Variants in PHYH observed in about 807,000 individuals in gnomAD.
The protein encoded by PHYH is phytanoyl-CoA 2-hydroxylase, also known as phytanoyl-CoA dioxygenase, peroxisomal.
PHYH carries 32 observed loss-of-function variants against 38.5 expected under a neutral mutation model. The ratio of observed to expected loss-of-function variants is 0.83; its 90% CI spans 0.63 to 1.12. The LOEUF (loss-of-function observed/expected upper bound fraction) is 1.12. Ranked by LOEUF, PHYH falls within the 50% of genes most tolerant of loss-of-function variation. PHYH has a pLI of 0.00. For synonymous variants in PHYH, 166 were observed against 157.9 expected (o/e 1.05, Z -0.38); for missense variants, 426 against 434.8 (o/e 0.98, Z 0.18).
chr10:13,297,977 T>C (rs550094504), intron 2 of PHYH, among the ~76,000 whole-genome samples: 1 of 152,114 alleles, frequency 6.6e-6, no homozygotes, highest in South Asian at 2.1e-4. Context: ...TCTGGTATTT[T>C]TCCTTCTTTC....
At chr10:13,294,631 G>T (rs774393878) in intron 3 of PHYH, 35 bp from the exon 4 acceptor site, 38 of 1,598,862 alleles carry the variant, frequency 2.4e-5, no homozygotes, top group Non-Finnish European at 2.7e-5. Flanking sequence ...TGTCGTTACC[G>T]CTGGCTCCAA....
intron 7 of PHYH, among the ~76,000 whole-genome samples, chr10:13,281,555 A>G (rs1402837864): frequency 6.6e-6 from 1 of 152,210 alleles, no homozygotes; most frequent in Admixed American, 6.5e-5. Flanking sequence ...GAAAAGAACT[A>G]AAAATACCTT....
intron 6 of PHYH, among the ~76,000 whole-genome samples, chr10:13,286,100 T>C (rs140429570): frequency 1.1e-4 from 17 of 152,054 alleles, no homozygotes; most frequent in Admixed American, 3.3e-4. Flanking sequence ...TTTTTAGAAA[T>C]GAGACCTCAC....
chr10:13,279,002 T>C (rs893424764), intron 8 of PHYH, among the ~76,000 whole-genome samples: 34 of 152,054 alleles, frequency 2.2e-4, no homozygotes, highest in African/African-American at 8.0e-4. Context: ...TTTTTCTGCA[T>C]AATTTTTTTT....
chr10:13,294,713 T>G, intron 3 of PHYH, 117 bp from the exon 4 acceptor site: 2 of 803,224 alleles, frequency 2.5e-6, no homozygotes, highest in Non-Finnish European at 4.3e-6. Context: ...TAAGTTGGCC[T>G]CCAGCTTGAG....
chr10:13,278,555 T>C lies in PHYH; in HGVS notation c.964-201A>G, dbSNP rs12411977. ...TACTCAACTCTTTTTTAAAAATTTTTTGGGGACACAGTCTCACCCCATTGC... is the reference window on the plus strand; with the variant it reads ...TACTCAACTCTTTTTTAAAAATTTTCTGGGGACACAGTCTCACCCCATTGC... On this transcript the variant is annotated intron_variant, in intron 8 of 8. Transcript: ENST00000263038. Among the ~76,000 whole-genome samples the C allele has an allele frequency of 0.35, 53,252 of 152,086 alleles. 11,263 individuals carry two copies. Among genetic ancestry groups the C allele is most frequent in the Admixed American group, 0.51 (7,751 of 15,256 alleles).
In PHYH at chr10:13,283,721, G is replaced by C. The variant is rs1324188528; in HGVS notation, c.797C>G (p.Ser266Cys). ...GAATCCCTGGGTTTTATTCTGACCA[G>C]ATCCGTGGATGAGCAAAGGATGGAA... Reference protein sequence around the residue: ...VFFHPLLIHGSGQNKTQGFRK... With the variant: ...VFFHPLLIHGCGQNKTQGFRK... Residue 266 changes from serine to cysteine, a missense_variant, in exon 7 of 9, where the codon TCT becomes TGT. Ser to Cys is a moderately radical substitution (Grantham distance 112, BLOSUM62 -1). Coordinates refer to ENST00000263038, the MANE Select transcript of PHYH (RefSeq NM_006214.4). 3 of 1,613,980 alleles carry C rather than the reference G, an allele frequency of 1.9e-6. No individual in the cohort carries two copies. Among genetic ancestry groups the C allele is most frequent in the Non-Finnish European group, 2.5e-6 (3 of 1,180,018 alleles).
intron 1 of PHYH, 79 bp downstream of exon 1, chr10:13,299,889 C>A (rs732704): frequency 9.8e-4 from 1,428 of 1,454,716 alleles, no homozygotes; most frequent in Non-Finnish European, 1.2e-3. Context: ...CCCGAGGCCT[C>A]CACCCGGACC....
At chr10:13,278,426 C>A in intron 8 of PHYH, 72 bp from the exon 9 acceptor site, 1 of 1,004,064 alleles carries the variant, frequency 1.0e-6, no homozygotes, top group South Asian at 1.3e-5. Flanking sequence ...TCAATTTCAC[C>A]ATAACACAAA....
intron 4 of PHYH, among the ~76,000 whole-genome samples, chr10:13,292,707 C>A (rs1399434498): frequency 6.6e-6 from 1 of 151,966 alleles, no homozygotes; most frequent in South Asian, 2.1e-4. Context: ...CCGAGGCGGG[C>A]GGATCACTTG....
intron 4 of PHYH, among the ~76,000 whole-genome samples, chr10:13,293,852 A>T (rs1432062702): frequency 6.6e-6 from 1 of 152,102 alleles, no homozygotes; most frequent in African/African-American, 2.4e-5. Flanking sequence ...TATTAAAATA[A>T]TTTATACCTC....
At position 13,291,922 on chromosome 10, in the gene PHYH, C is replaced by CA. The variant is rs140309981; in HGVS notation, c.415-11dup. ...CCACATATTTCAGAATCTAAGAAAG[C>CA]AAAAAAAAAACAAAAACAAACCTTG... is the stretch of plus-strand genomic sequence containing the variant. On this transcript the variant is annotated splice_polypyrimidine_tract_variant and intron_variant, in intron 4 of 8. Transcript: ENST00000263038. The CA allele has an allele frequency of 0.026, 33,283 of 1,277,796 alleles. 64 individuals are homozygous for CA. Among genetic ancestry groups the CA allele is most frequent in the Middle Eastern group, 0.051 (254 of 5,004 alleles). 79.2% of individuals were successfully genotyped at this position (1,277,796 alleles called of 1,614,324 possible).
rs999857292 is a variant in PHYH at position 13,291,907 on chromosome 10, CAGAATCTA to C, written c.415-3_419del. On this transcript the variant is annotated splice_acceptor_variant and splice_polypyrimidine_tract_variant and coding_sequence_variant and intron_variant, in exon 5 of 9. Transcript: ENST00000263038. LOFTEE classifies it high-confidence loss of function. Reference sequence around the variant, plus strand: ...GTCCAGTGAAGCACTCCACATATTTCAGAATCTAAGAAAGCAAAAAAAAAACAAAAACA... The same window carrying C: ...GTCCAGTGAAGCACTCCACATATTTCAGAAAGCAAAAAAAAAACAAAAACA... 4 of 1,600,378 alleles carry C rather than the reference CAGAATCTA, an allele frequency of 2.5e-6. No individual in the cohort carries two copies. The African/African-American group carries it at 5.4e-5, about 22-fold the overall frequency.
At chr10:13,296,766 C>A (rs1396530757) in intron 2 of PHYH, among the ~76,000 whole-genome samples, 1 of 149,870 alleles carries the variant, frequency 6.7e-6, no homozygotes, top group African/African-American at 2.5e-5. Flanking sequence ...ACCATCCTGG[C>A]TAACACGGTG....
chr10:13,297,381 T>C (rs1438867669), intron 2 of PHYH, among the ~76,000 whole-genome samples: 1 of 152,190 alleles, frequency 6.6e-6, no homozygotes, highest in Non-Finnish European at 1.5e-5. Flanking sequence ...ATCTTCCCCT[T>C]TAAAGGTGAT....
chr10:13,283,943 T>G (rs1370001328), intron 6 of PHYH, 104 bp from the exon 7 acceptor site: 1 of 1,019,914 alleles, frequency 9.8e-7, no homozygotes, highest in Non-Finnish European at 1.6e-6. Context: ...AGAAAGCATT[T>G]CTCTCTCCCA....
At chr10:13,280,829 A>G in intron 8 of PHYH, 147 bp downstream of exon 8, 1 of 779,592 alleles carries the variant, frequency 1.3e-6, no homozygotes. Context: ...TTCCATTGTC[A>G]TTTTTGGTGG....
intron 4 of PHYH, among the ~76,000 whole-genome samples, chr10:13,292,272 C>T (rs1051123993): frequency 6.6e-6 from 1 of 152,128 alleles, no homozygotes; most frequent in African/African-American, 2.4e-5. Context: ...CCTCTGCATA[C>T]GAAGAGTCCC....
intron 6 of PHYH, among the ~76,000 whole-genome samples, chr10:13,284,336 A>AT (rs957907906): frequency 6.6e-6 from 1 of 152,148 alleles, no homozygotes; most frequent in Admixed American, 6.6e-5. Flanking sequence ...AATAATGGTA[A>AT]TAAAAAAAAA....
Sources: allele counts gnomAD v4.1 joint callset (sites outside exome capture counted in the v4.1 genomes callset), GRCh38; gene constraint gnomAD v4.1.1; transcripts MANE v1.5; gene names NCBI Gene and HGNC (gene_info 2026-07-23, HGNC 2026-07-21).